Variants in FSTL5 observed in about 807,000 individuals in gnomAD.
FSTL5 encodes follistatin-related protein 5.
A neutral mutation model predicts 89.1 loss-of-function variants in FSTL5; 62 were observed. The ratio of observed to expected loss-of-function variants is 0.70; its 90% confidence interval spans 0.57 to 0.86. The LOEUF is 0.86. Among genes scored for constraint, FSTL5 ranks in the 40% least tolerant of loss-of-function variants. The pLI is 0.00. For synonymous variants in FSTL5, 383 were observed against 346.2 expected (o/e 1.11, Z -1.18); for missense variants, 1,057 against 1,001.6 (o/e 1.06, Z -0.75).
Position 162,032,168 on chromosome 4 carries a change from A to G in FSTL5, c.160+1457T>C, listed in dbSNP as rs1283682977. Among the ~76,000 whole-genome samples, 5 of 152,318 alleles carry G rather than the reference A, an allele frequency of 3.3e-5. No homozygotes were observed. In the East Asian group the frequency reaches 7.7e-4, roughly 24 times the overall value. On this transcript the variant is annotated intron_variant, in intron 3 of 15. Transcript: ENST00000306100. The stretch of plus-strand genomic sequence containing the variant: ...AAAGTATCAAGTAGAAAGCTACACT[A>G]CACTTATTTTTACTATAAGTAAAAT...
intron 10 of FSTL5, among the ~76,000 whole-genome samples, chr4:161,513,272 G>GGGGAGA: frequency 9.1e-6 from 1 of 110,024 alleles, no homozygotes; most frequent in African/African-American, 3.5e-5. Context: ...ACAAGGAGGG[G>GGGGAGA]GAGAGAGAGA....
rs1730585686 is a variant in FSTL5, at chr4:161,385,439, T to G, written c.*308A>C. 1 of 247,710 alleles carries G rather than the reference T, an allele frequency of 4.0e-6. No homozygotes were observed. Among genetic ancestry groups the G allele is most frequent in the South Asian group, 1.0e-4 (1 of 9,534 alleles). The allele number at this position is 247,710 out of a possible 1,614,324, so 15.3% of individuals were successfully genotyped here. On this transcript the variant is annotated 3_prime_UTR_variant, in exon 16 of 16. Transcript: ENST00000306100. Reference sequence around the variant, plus strand: ...AATAATGCTTTATGTCATCTGAAATTCCCTGCAGTTTAGTTTTTTAAATGA... The same window carrying G: ...AATAATGCTTTATGTCATCTGAAATGCCCTGCAGTTTAGTTTTTTAAATGA...
At chr4:161,844,438 T>C (rs1414224560) in intron 4 of FSTL5, among the ~76,000 whole-genome samples, 4 of 152,178 alleles carry the variant, frequency 2.6e-5, no homozygotes, top group African/African-American at 9.6e-5. Context: ...ACTGGGTATA[T>C]ACTCAAAGGT....
At chr4:161,591,914 A>G (rs1319083296) in intron 7 of FSTL5, among the ~76,000 whole-genome samples, 1 of 152,234 alleles carries the variant, frequency 6.6e-6, no homozygotes, top group Non-Finnish European at 1.5e-5. Context: ...TAGCGGAGCT[A>G]GGATTGGAAA....
intron 6 of FSTL5, among the ~76,000 whole-genome samples, chr4:161,747,520 T>C (rs1740241773): frequency 1.3e-5 from 2 of 152,248 alleles, no homozygotes; most frequent in South Asian, 4.1e-4. Context: ...CAAAGTTCTC[T>C]AGACGGTACC....
At chr4:161,528,900 C>T (rs543994270) in intron 10 of FSTL5, among the ~76,000 whole-genome samples, 1 of 142,888 alleles carries the variant, frequency 7.0e-6, no homozygotes, top group Non-Finnish European at 1.5e-5. Flanking sequence ...ATACTCAGCA[C>T]TGTCACTATA....
intron 7 of FSTL5, among the ~76,000 whole-genome samples, chr4:161,644,847 A>G (rs559956671): frequency 6.6e-6 from 1 of 152,282 alleles, no homozygotes; most frequent in East Asian, 1.9e-4. Flanking sequence ...GACAGGCCTT[A>G]AACTAAGGCA....
rs112039546 is a variant in FSTL5 at position 162,035,824 on chromosome 4, A to T, written c.127-2166T>A. On this transcript the variant is annotated intron_variant, in intron 2 of 15. Transcript: ENST00000306100. ...CAAAAACATAGAACAATGTGGTAGCAGTGTATTTGGAATACCTACTTAGAG... is the reference window on the plus strand; with the variant it reads ...CAAAAACATAGAACAATGTGGTAGCTGTGTATTTGGAATACCTACTTAGAG... Among the ~76,000 whole-genome samples, 1,371 of 152,262 alleles carry T rather than the reference A, an allele frequency of 9.0e-3. 22 individuals are homozygous for T. The highest frequency in any genetic ancestry group is 0.031 in the African/African-American group (1,297 of 41,580).
chr4:161,621,607 A>C (rs1735125851), intron 7 of FSTL5, among the ~76,000 whole-genome samples: 1 of 152,074 alleles, frequency 6.6e-6, no homozygotes, highest in Non-Finnish European at 1.5e-5. Context: ...ACAAAGCAAA[A>C]TTTATTTACT....
At chr4:162,122,584 A>T (rs922408781) in intron 1 of FSTL5, among the ~76,000 whole-genome samples, 4 of 152,222 alleles carry the variant, frequency 2.6e-5, no homozygotes, top group East Asian at 1.9e-4. Flanking sequence ...TTGTTTTTTT[A>T]AATTTATTTT....
At chr4:161,735,711 A>G (rs186101351) in intron 6 of FSTL5, among the ~76,000 whole-genome samples, 1 of 152,220 alleles carries the variant, frequency 6.6e-6, no homozygotes, top group African/African-American at 2.4e-5. Flanking sequence ...AAATTTGAGG[A>G]TATTTTTAAA....
intron 4 of FSTL5, among the ~76,000 whole-genome samples, chr4:161,795,060 T>A (rs1729593286): frequency 6.6e-6 from 1 of 151,960 alleles, no homozygotes; most frequent in Non-Finnish European, 1.5e-5. Flanking sequence ...AGGCGCCTAT[T>A]TTCTTATTAA....
chr4:161,676,085 G>A (rs1208325451), intron 6 of FSTL5, among the ~76,000 whole-genome samples: 3 of 152,068 alleles, frequency 2.0e-5, no homozygotes, highest in African/African-American at 7.2e-5. Flanking sequence ...CATCTGGAAA[G>A]TAAAGGTAAT....
intron 13 of FSTL5, among the ~76,000 whole-genome samples, chr4:161,479,291 G>T (rs1257833780): frequency 6.6e-6 from 1 of 151,852 alleles, no homozygotes; most frequent in Non-Finnish European, 1.5e-5. Context: ...CATATCACTT[G>T]AACATTTTAT....
intron 6 of FSTL5, among the ~76,000 whole-genome samples, chr4:161,684,538 CAT>C (rs1224505121): frequency 2.0e-5 from 3 of 152,142 alleles, no homozygotes; most frequent in African/African-American, 4.8e-5. Context: ...AGCATTTTTT[CAT>C]ATGTTTGTTG....
intron 8 of FSTL5, among the ~76,000 whole-genome samples, chr4:161,583,470 T>C (rs896613851): frequency 5.3e-5 from 8 of 152,330 alleles, no homozygotes; most frequent in Non-Finnish European, 1.2e-4. Flanking sequence ...TGAGCCCCTG[T>C]CCTTTTGGGT....
chr4:161,683,822 T>A (rs1314866478), intron 6 of FSTL5, among the ~76,000 whole-genome samples: 1 of 152,100 alleles, frequency 6.6e-6, no homozygotes, highest in East Asian at 1.9e-4. Context: ...AGTGGTGATT[T>A]GTCAGATTTT....
chr4:161,468,162 C>A (rs1482674806), intron 13 of FSTL5, among the ~76,000 whole-genome samples: 1 of 152,052 alleles, frequency 6.6e-6, no homozygotes, highest in Non-Finnish European at 1.5e-5. Flanking sequence ...TCAACCCCAT[C>A]ATACAGTTCT....
At chr4:161,944,782 G>A (rs569916436) in intron 3 of FSTL5, among the ~76,000 whole-genome samples, 1 of 151,482 alleles carries the variant, frequency 6.6e-6, no homozygotes, top group African/African-American at 2.4e-5. Context: ...TTTATAGTTT[G>A]GTTAGTATTT....
Sources: gnomAD v4.1 joint callset for allele counts (sites outside exome capture counted in the v4.1 genomes callset) on GRCh38, gnomAD v4.1.1 for gene constraint, MANE v1.5 for transcripts, NCBI Gene and HGNC (gene_info 2026-07-23, HGNC 2026-07-21) for gene names.